The following CPD variants were observed in gnomAD, a reference collection of about 807,000 sequenced individuals.
The protein encoded by CPD is metallocarboxypeptidase D.
A neutral mutation model predicts 138.3 loss-of-function variants in CPD; 69 were observed. That is an observed-to-expected ratio of 0.50 (90% CI 0.41 to 0.61). The LOEUF (loss-of-function observed/expected upper bound fraction) is 0.61, where lower values mean the gene tolerates loss of function less well. Ranked by LOEUF, CPD falls within the 20% of genes least tolerant of loss-of-function variation. CPD has a pLI of 0.00. For synonymous variants in CPD, 651 were observed against 642.1 expected (o/e 1.01, Z -0.21); for missense variants, 1,432 against 1,733.3 (o/e 0.83, Z 3.09).
In CPD at chr17:30,400,564, C is replaced by A. The variant is rs914976955; in HGVS notation, c.994+15328C>A. On this transcript the variant is annotated intron_variant, in intron 2 of 20. Transcript: ENST00000225719. ...TATAACTTCTCTTCTGCCTGAAGAG[C>A]CTTCTTTAGCATTTCTTTTAAAGCA... is the stretch of plus-strand genomic sequence containing the variant. Among the ~76,000 whole-genome samples, 23 of 151,010 alleles carry A rather than the reference C, an allele frequency of 1.5e-4. 1 individual carries two copies. Among genetic ancestry groups the A allele is most frequent in the African/African-American group, 5.6e-4 (23 of 40,960 alleles).
At chr17:30,387,670 C>T (rs1911229334) in intron 2 of CPD, among the ~76,000 whole-genome samples, 1 of 152,158 alleles carries the variant, frequency 6.6e-6, no homozygotes, top group South Asian at 2.1e-4. Context: ...TTGGCAGTCA[C>T]ATTATAAAGT....
intron 8 of CPD, among the ~76,000 whole-genome samples, chr17:30,437,117 G>A (rs1912724179): frequency 6.6e-6 from 1 of 151,620 alleles, no homozygotes; most frequent in Non-Finnish European, 1.5e-5. Context: ...AGGGTTTGGA[G>A]TGGGGGTGGG....
chr17:30,456,328 A>T lies in CPD; in HGVS notation c.3410A>T (p.Gln1137Leu), dbSNP rs145126411. Residue 1137 changes from glutamine to leucine, a missense_variant, in exon 16 of 21, where the codon CAG (glutamine) becomes CTG (leucine). Transcript: ENST00000225719. Reference sequence around the variant, plus strand: ...AATCATCCATCCATGCACATGGGTCAGCCCAGTTGCCCAAATAAATCAGGT... The same window carrying T: ...AATCATCCATCCATGCACATGGGTCTGCCCAGTTGCCCAAATAAATCAGGT... ...ANNHPSMHMGQPSCPNKSDEN... is the reference protein window; with the variant it reads ...ANNHPSMHMGLPSCPNKSDEN... 7,813 of 1,614,182 alleles carry T rather than the reference A, an allele frequency of 4.8e-3. 27 individuals carry two copies. The highest frequency in any genetic ancestry group is 5.9e-3 in the Non-Finnish European group (7,009 of 1,179,978).
chr17:30,462,582 T>C (rs1251129101), intron 20 of CPD, 113 bp downstream of exon 20: 1 of 701,160 alleles, frequency 1.4e-6, no homozygotes, highest in Non-Finnish European at 2.4e-6. Flanking sequence ...TGTCTTCTAA[T>C]GTCTCCTTAT....
chr17:30,404,161 G>A (rs1004637275), intron 2 of CPD, among the ~76,000 whole-genome samples: 7 of 152,116 alleles, frequency 4.6e-5, no homozygotes, highest in African/African-American at 1.4e-4. Context: ...TTATGTGACT[G>A]TATACATTGC....
At chr17:30,392,243 C>A (rs1911378817) in intron 2 of CPD, among the ~76,000 whole-genome samples, 1 of 152,132 alleles carries the variant, frequency 6.6e-6, no homozygotes, top group South Asian at 2.1e-4. Flanking sequence ...CTCCTGACCT[C>A]AGGTGATCTG....
chr17:30,428,086 T>C (rs186496163), intron 7 of CPD, among the ~76,000 whole-genome samples: 2 of 152,352 alleles, frequency 1.3e-5, no homozygotes, highest in African/African-American at 4.8e-5. Flanking sequence ...ATAAACTCTT[T>C]TATGTAAATT....
chr17:30,458,865 C>CA (rs60140816), intron 17 of CPD, among the ~76,000 whole-genome samples: 7 of 134,010 alleles, frequency 5.2e-5, no homozygotes, highest in East Asian at 2.1e-4. Flanking sequence ...GACCCTGTCT[C>CA]AAAAAAAAAA....
chr17:30,423,740 A>G, intron 6 of CPD, 43 bp downstream of exon 6: 1 of 1,329,250 alleles, frequency 7.5e-7, no homozygotes, highest in East Asian at 2.6e-5. Context: ...ATCATCATAT[A>G]GAATGATTAT....
In CPD at chr17:30,420,829, T is replaced by C; in HGVS notation, c.995-12T>C. ...TCCTTCTGAGAGTAAACTTATTTTT[T>C]CTATGTTACAGGTGGTATGCAAGAT... On this transcript the variant is annotated splice_polypyrimidine_tract_variant and intron_variant, in intron 2 of 20. Coordinates refer to ENST00000225719, the MANE Select transcript of CPD (RefSeq NM_001304.5). 6.2e-7 allele frequency: 1 copy of C among 1,600,302 alleles called. No homozygotes were observed. The highest frequency in any genetic ancestry group is 1.1e-5 in the South Asian group (1 of 88,668).
At chr17:30,427,787 A>C (rs1187860386) in intron 7 of CPD, among the ~76,000 whole-genome samples, 8 of 129,816 alleles carry the variant, frequency 6.2e-5, no homozygotes, top group East Asian at 2.3e-4. Context: ...TTCTCCTTTT[A>C]CCCCCATCTC....
At chr17:30,386,378 C>G (rs916526069) in intron 2 of CPD, among the ~76,000 whole-genome samples, 1 of 152,046 alleles carries the variant, frequency 6.6e-6, no homozygotes, top group Non-Finnish European at 1.5e-5. Context: ...GTATTTTAAT[C>G]TGTGAGGTGA....
chr17:30,465,426 C>G lies in CPD; in HGVS notation c.*612C>G, dbSNP rs116917123. Reference sequence around the variant, plus strand: ...CCAAGGCTAGATCGGAACTGGTAGACTACGCTGTAAGCAGGATTTCACTAC... The same window carrying G: ...CCAAGGCTAGATCGGAACTGGTAGAGTACGCTGTAAGCAGGATTTCACTAC... On this transcript the variant is annotated 3_prime_UTR_variant, in exon 21 of 21. Transcript: ENST00000225719. The G allele has an allele frequency of 6.5e-6, 1 of 152,912 alleles. No individual in the cohort carries two copies. Among genetic ancestry groups the G allele is most frequent in the African/African-American group, 2.4e-5 (1 of 41,426 alleles). The allele number at this position is 152,912 out of a possible 1,614,324, so 9.5% of individuals were successfully genotyped here.
Position 30,465,009 on chromosome 17 carries a change from A to T in CPD, c.*195A>T, listed in dbSNP as rs1366083451. The T allele has an allele frequency of 1.1e-5, 6 of 526,674 alleles. No individual in the cohort carries two copies. The highest frequency in any genetic ancestry group is 2.3e-5 in the South Asian group (1 of 42,664). The allele number at this position is 526,674 out of a possible 1,614,324, so 32.6% of individuals were successfully genotyped here. A position where few individuals can be genotyped will look rare whatever the true frequency, so the allele number is the denominator to read the frequency against. On this transcript the variant is annotated 3_prime_UTR_variant, in exon 21 of 21. Transcript: ENST00000225719. ...CTTCCTTAAAGTACTCTAAACCTTT[A>T]AAAAAAAATCTGATTTATGCAGCAG...
At chr17:30,441,839 C>G (rs1912876535) in intron 9 of CPD, among the ~76,000 whole-genome samples, 1 of 148,412 alleles carries the variant, frequency 6.7e-6, no homozygotes, top group Non-Finnish European at 1.5e-5. Flanking sequence ...ATTTTTGCAT[C>G]AATGTTCATC....
At chr17:30,446,864 T>C (rs1409844125) in intron 12 of CPD, among the ~76,000 whole-genome samples, 23 of 152,150 alleles carry the variant, frequency 1.5e-4, no homozygotes, top group Non-Finnish European at 1.0e-4. Context: ...TAATGATTGC[T>C]ATTCTAACTG....
chr17:30,423,776 G>C, intron 6 of CPD, 79 bp downstream of exon 6: 1 of 1,118,826 alleles, frequency 8.9e-7, no homozygotes, highest in East Asian at 2.8e-5. Flanking sequence ...AATTTGAACT[G>C]GTTCTTTTGG....
At chr17:30,400,364 G>A (rs553479404) in intron 2 of CPD, among the ~76,000 whole-genome samples, 1 of 152,168 alleles carries the variant, frequency 6.6e-6, no homozygotes, top group African/African-American at 2.4e-5. Flanking sequence ...CCCCTTTTAT[G>A]TTGTACTTAA....
chr17:30,402,699 A>G (rs2143357368), intron 2 of CPD, among the ~76,000 whole-genome samples: 1 of 152,218 alleles, frequency 6.6e-6, no homozygotes, highest in East Asian at 1.9e-4. Context: ...TTTTTTCTTT[A>G]TAATATATTG....
Sources: gnomAD v4.1 joint callset for allele counts (sites outside exome capture counted in the v4.1 genomes callset) on GRCh38, gnomAD v4.1.1 for gene constraint, MANE v1.5 for transcripts, NCBI Gene and HGNC (gene_info 2026-07-23, HGNC 2026-07-21) for gene names.